The following ZNF652 variants were observed in gnomAD, a reference collection of about 807,000 sequenced individuals.
ZNF652 encodes zinc finger protein 652.
In ZNF652, 16 loss-of-function variants were observed where a neutral mutation model predicts 45.2. The observed-to-expected ratio is 0.35, with a 90% CI of 0.24 to 0.54. The LOEUF (loss-of-function observed/expected upper bound fraction) is 0.54, where lower values mean the gene tolerates loss of function less well. Among genes scored for constraint, ZNF652 ranks in the 20% least tolerant of loss-of-function variants. ZNF652 has a pLI of 0.91. For synonymous variants in ZNF652, 250 were observed against 260.6 expected (o/e 0.96, Z 0.39); for missense variants, 614 against 765.6 (o/e 0.80, Z 2.34).
chr17:49,300,593 G>A (rs1486718766), intron 5 of ZNF652, among the ~76,000 whole-genome samples: 1 of 152,116 alleles, frequency 6.6e-6, no homozygotes, highest in South Asian at 2.1e-4. Context: ...AGGTGAGGCG[G>A]GGAGTACTTC....
intron 1 of ZNF652, among the ~76,000 whole-genome samples, chr17:49,339,119 T>C (rs2070114974): frequency 6.6e-6 from 1 of 151,202 alleles, no homozygotes; most frequent in South Asian, 2.1e-4. Flanking sequence ...TAGTTAAAAG[T>C]GTGATCAGGA....
rs1188576518 is a variant in ZNF652, at chr17:49,294,415, T to C, written c.*3998A>G. 2 of 152,218 alleles carry C rather than the reference T, an allele frequency of 1.3e-5. No homozygotes were observed. Among genetic ancestry groups the C allele is most frequent in the Admixed American group, 1.3e-4 (2 of 15,284 alleles). 9.4% of individuals were successfully genotyped at this position (152,218 alleles called of 1,614,324 possible). On this transcript the variant is annotated 3_prime_UTR_variant, in exon 6 of 6. Transcript: ENST00000430262. ...CTGATTTGCACAGTCTTCTTTGAAC[T>C]AAAGTTTTTTTTGTGGCGATCTCCC...
intron 5 of ZNF652, among the ~76,000 whole-genome samples, chr17:49,304,603 G>A (rs1453162294): frequency 6.6e-6 from 1 of 152,068 alleles, no homozygotes. Flanking sequence ...TAACAGTTAA[G>A]TTCATTAAGG....
intron 5 of ZNF652, among the ~76,000 whole-genome samples, chr17:49,304,055 A>ATTTTTTTTTTTTTTT (rs58790188): frequency 8.5e-6 from 1 of 117,422 alleles, no homozygotes; most frequent in African/African-American, 3.2e-5. Context: ...TGCCTGGCTA[A>ATTTTTTTTTTTTTTT]TTTTTTTTTT....
intron 1 of ZNF652, among the ~76,000 whole-genome samples, chr17:49,356,468 AAC>A (rs2070338550): frequency 6.6e-6 from 1 of 151,258 alleles, no homozygotes; most frequent in South Asian, 2.1e-4. Context: ...CCAAAAAAAA[AAC>A]AAAAAAAACC....
rs868643700 is a variant in ZNF652, at chr17:49,313,962, A to G, written c.901-1117T>C. ...ACTCCAGCCTGGGCAACAAAGAGCG[A>G]AACTCCATCTCAAAAAAAAAAAAAA... On this transcript the variant is annotated intron_variant, in intron 2 of 5. Transcript: ENST00000430262. 7.4e-5 allele frequency among the ~76,000 whole-genome samples: 8 copies of G among 108,808 alleles called. No homozygotes were observed. The South Asian group carries it at 2.7e-3, about 36-fold the overall frequency. 71.4% of individuals were successfully genotyped at this position (108,808 alleles called of 152,430 possible). A position where few individuals can be genotyped will look rare whatever the true frequency, so the allele number is the denominator to read the frequency against.
At chr17:49,311,878 T>C (rs1381140982) in intron 4 of ZNF652, 49 bp downstream of exon 4, 20 of 1,491,772 alleles carry the variant, frequency 1.3e-5, no homozygotes, top group South Asian at 4.7e-5. Flanking sequence ...CCGCCATCTA[T>C]GCAAACACTA....
rs1042345512 is a variant in ZNF652 at position 49,290,309 on chromosome 17, A to G, written c.*8104T>C. On this transcript the variant is annotated 3_prime_UTR_variant, in exon 6 of 6. Transcript: ENST00000430262. Reference sequence around the variant, plus strand: ...TGTTTGTTGTGAAGATGCTGCTGCAATAAGCACAAACAGAACTCATGGCCA... The same window carrying G: ...TGTTTGTTGTGAAGATGCTGCTGCAGTAAGCACAAACAGAACTCATGGCCA... 2.6e-5 allele frequency: 4 copies of G among 152,246 alleles called. No individual in the cohort carries two copies. The highest frequency in any genetic ancestry group is 6.5e-5 in the Admixed American group (1 of 15,274). 9.4% of individuals were successfully genotyped at this position (152,246 alleles called of 1,614,324 possible).
At position 49,295,942 on chromosome 17, in the gene ZNF652, A is replaced by AAAAAAAAC. The variant is rs2069469092; in HGVS notation, c.*2470_*2471insGTTTTTTT. 1 of 88,766 alleles carries AAAAAAAAC rather than the reference A, an allele frequency of 1.1e-5. No homozygotes were observed. Among genetic ancestry groups the AAAAAAAAC allele is most frequent in the African/African-American group, 4.5e-5 (1 of 22,266 alleles). 5.5% of individuals were successfully genotyped at this position (88,766 alleles called of 1,614,324 possible). A position where few individuals can be genotyped will look rare whatever the true frequency, so the allele number is the denominator to read the frequency against. On this transcript the variant is annotated 3_prime_UTR_variant, in exon 6 of 6. Transcript: ENST00000430262. ...AACAGAACAAGACTCTGCCTCAAAA[A>AAAAAAAAC]AAAAAAAAAAAAAAAAAAAAAAACA... is the stretch of plus-strand genomic sequence containing the variant.
chr17:49,345,840 C>T (rs1010534874), intron 1 of ZNF652, among the ~76,000 whole-genome samples: 2 of 115,706 alleles, frequency 1.7e-5, no homozygotes, highest in Non-Finnish European at 3.6e-5. Context: ...GACTCCATCT[C>T]AAAAAAAAAA....
chr17:49,348,698 G>T (rs2070237997), intron 1 of ZNF652, among the ~76,000 whole-genome samples: 1 of 152,058 alleles, frequency 6.6e-6, no homozygotes. Flanking sequence ...ACTTAATGAT[G>T]CTCAGGAAGT....
intron 1 of ZNF652, among the ~76,000 whole-genome samples, chr17:49,327,730 AATAT>A (rs68056731): frequency 7.7e-3 from 469 of 61,130 alleles, no homozygotes; most frequent in East Asian, 0.011. Context: ...TAAATAAATA[AATAT>A]ATATATATAT....
chr17:49,310,821 G>C (rs544077658), intron 5 of ZNF652, among the ~76,000 whole-genome samples: 1 of 152,340 alleles, frequency 6.6e-6, no homozygotes, highest in East Asian at 1.9e-4. Flanking sequence ...AGGATGGCTT[G>C]AGCCTGGGAG....
At chr17:49,347,775 A>G (rs2070222542) in intron 1 of ZNF652, among the ~76,000 whole-genome samples, 2 of 116,172 alleles carry the variant, frequency 1.7e-5, no homozygotes, top group Admixed American at 1.2e-4. Context: ...AGACACAGTC[A>G]CTCTGTCACT....
At chr17:49,327,181 G>A (rs2069964820) in intron 1 of ZNF652, among the ~76,000 whole-genome samples, 1 of 151,714 alleles carries the variant, frequency 6.6e-6, no homozygotes, top group Non-Finnish European at 1.5e-5. Context: ...ATTTTTTCAC[G>A]AGACGGAGTC....
intron 1 of ZNF652, among the ~76,000 whole-genome samples, chr17:49,338,038 A>G (rs1461712517): frequency 1.3e-5 from 2 of 152,086 alleles, no homozygotes; most frequent in Non-Finnish European, 1.5e-5. Context: ...CTCAGGCTGG[A>G]GTGCAGTGGC....
At chr17:49,339,310 C>CTT (rs36110074) in intron 1 of ZNF652, among the ~76,000 whole-genome samples, 9 of 110,950 alleles carry the variant, frequency 8.1e-5, no homozygotes, top group Admixed American at 2.0e-4. Context: ...TCAAGTGATT[C>CTT]TTTTTTTTTT....
At position 49,298,401 on chromosome 17, in the gene ZNF652, A is replaced by C. The variant is rs1364578324; in HGVS notation, c.*12T>G. On this transcript the variant is annotated 3_prime_UTR_variant, in exon 6 of 6. Coordinates refer to ENST00000430262, the MANE Select transcript of ZNF652 (RefSeq NM_001145365.3). The stretch of plus-strand genomic sequence containing the variant: ...GACGTGTCTCCTGGAGAACACACTA[A>C]GGAGACGGATGTTAATGATGCTGTG... 1 of 1,612,282 alleles carries C rather than the reference A, an allele frequency of 6.2e-7. No homozygotes were observed. The highest frequency in any genetic ancestry group is 8.5e-7 in the Non-Finnish European group (1 of 1,179,974).
Position 49,292,344 on chromosome 17 carries a change from C to G in ZNF652, c.*6069G>C, listed in dbSNP as rs1598274540. On this transcript the variant is annotated 3_prime_UTR_variant, in exon 6 of 6. Transcript: ENST00000430262. Reference sequence around the variant, plus strand: ...TGCTAAATGTTTCATCACGGAGGTGCTCGATCATATTATATAAAACACTGC... The same window carrying G: ...TGCTAAATGTTTCATCACGGAGGTGGTCGATCATATTATATAAAACACTGC... Among the ~76,000 whole-genome samples, 1 of 152,208 alleles carries G rather than the reference C, an allele frequency of 6.6e-6. No individual in the cohort carries two copies. Among genetic ancestry groups the G allele is most frequent in the East Asian group, 1.9e-4 (1 of 5,180 alleles).
Sources: gnomAD v4.1 joint callset for allele counts (sites outside exome capture counted in the v4.1 genomes callset) on GRCh38, gnomAD v4.1.1 for gene constraint, MANE v1.5 for transcripts, NCBI Gene and HGNC (gene_info 2026-07-23, HGNC 2026-07-21) for gene names.